Variants in CPSF1 observed in about 807,000 individuals in gnomAD.
CPSF1 encodes cleavage and polyadenylation specificity factor subunit 1.
A neutral mutation model predicts 175.8 loss-of-function variants in CPSF1; 106 were observed. The ratio of observed to expected loss-of-function variants is 0.60; its 90% CI spans 0.52 to 0.71. CPSF1 has a LOEUF of 0.71. Among genes scored for constraint, CPSF1 ranks in the 30% least tolerant of loss-of-function variants. The pLI is 0.00. For synonymous variants in CPSF1, 1,024 were observed against 858.3 expected, an observed-to-expected ratio of 1.19 and a Z score of -3.37; for missense variants, 1,734 against 2,022.9, an observed-to-expected ratio of 0.86 and a Z score of 2.74.
At chr8:144,400,135 G>GGGGCCCCC in intron 9 of CPSF1, 31 bp downstream of exon 9, 115 of 896,196 alleles carry the variant, frequency 1.3e-4, no homozygotes, top group Non-Finnish European at 1.6e-4. Flanking sequence ...CCGTCCCCGG[G>GGGGCCCCC]CCCCCCCCGC....
intron 29 of CPSF1, 33 bp downstream of exon 29, chr8:144,395,065 G>A (rs1820624912): frequency 6.2e-7 from 1 of 1,604,092 alleles, no homozygotes. Context: ...TGGAGGCCTT[G>A]GGCAGACCCC....
chr8:144,409,137 C>A lies in CPSF1; in HGVS notation c.22G>T (p.Ala8Ser). 1 of 1,612,468 alleles carries A rather than the reference C, an allele frequency of 6.2e-7. No individual in the cohort carries two copies. The highest frequency in any genetic ancestry group is 2.2e-5 in the East Asian group (1 of 44,702). The change falls in exon 2 of 38, where the codon GCG (alanine) becomes TCG (serine). Residue 8 changes from alanine (A) to serine (S), a missense_variant. Around this residue, in one of 10 missense-constraint regions of CPSF1, gnomAD observed 126 missense variants for 117.9 expected, o/e 1.07. Coordinates refer to ENST00000616140, the MANE Select transcript of CPSF1 (RefSeq NM_013291.3). The part of the protein sequence containing the change: MYAVYKQ[A>S]HPPTGLEFSM... ...AACTCCAGACCGGTGGGCGGATGCG[C>A]CTGTTTGTACACGGCGTACATGGCG... is the stretch of plus-strand genomic sequence containing the variant.
intron 2 of CPSF1, among the ~76,000 whole-genome samples, chr8:144,408,073 G>T (rs1044843840): frequency 6.6e-6 from 1 of 152,194 alleles, no homozygotes; most frequent in Non-Finnish European, 1.5e-5. Flanking sequence ...TGCCCAGGAG[G>T]GTTGGCCTCC....
rs1554864221 is a variant in CPSF1, at chr8:144,397,219, C to T, written c.2580G>A (p.Arg860=). 6.5e-7 allele frequency: 1 copy of T among 1,544,770 alleles called. No homozygotes were observed. The change falls in exon 23 of 38, where the codon AGG becomes AGA. Residue 860 remains arginine (R), a synonymous_variant. Coordinates refer to ENST00000616140, the MANE Select transcript of CPSF1 (RefSeq NM_013291.3). The stretch of plus-strand genomic sequence containing the variant: ...CAGGCGCACTCACCAGCAGGTAGGG[C>T]CTGCTCTGGCGGCTGCCCAGCGCCA... ...LLVALGSRQS[R]PYLLVHVDQE...
chr8:144,400,135 G>GGGGGGGGGCCCCCCCCCCCCCC, intron 9 of CPSF1, 31 bp downstream of exon 9: 1 of 896,008 alleles, frequency 1.1e-6, no homozygotes, highest in Non-Finnish European at 1.6e-6. Flanking sequence ...CCGTCCCCGG[G>GGGGGGGGGCCCCCCCCCCCCCC]CCCCCCCCGC....
Position 144,400,218 on chromosome 8 carries a change from C to G in CPSF1, c.885G>C (p.Pro295=), listed in dbSNP as rs200181811. 1.9e-6 allele frequency: 3 copies of G among 1,581,542 alleles called. No homozygotes were observed. The highest frequency in any genetic ancestry group is 2.6e-6 in the Non-Finnish European group (3 of 1,163,066). The change falls in exon 9 of 38, where the codon CCG becomes CCC. Residue 295 remains proline (P), a synonymous_variant. Transcript: ENST00000616140. The part of the protein sequence containing the change: ...SLLYLNQSVP[P]YGVALNSLTT... Reference sequence around the variant, plus strand: ...TGAGGCTGTTGAGAGCCACGCCATACGGGGGGACGCTCTGGTTCAGGTACA... The same window carrying G: ...TGAGGCTGTTGAGAGCCACGCCATAGGGGGGGACGCTCTGGTTCAGGTACA...
chr8:144,406,958 A>T (rs1821531117), intron 2 of CPSF1, among the ~76,000 whole-genome samples: 1 of 151,978 alleles, frequency 6.6e-6, no homozygotes, highest in Non-Finnish European at 1.5e-5. Flanking sequence ...TTGCTCTGTC[A>T]CCCAGGCTGG....
chr8:144,402,452 G>T, intron 2 of CPSF1, among the ~76,000 whole-genome samples: 1 of 152,206 alleles, frequency 6.6e-6, no homozygotes, highest in Middle Eastern at 3.4e-3. Context: ...TTACAGGTGC[G>T]TGCCACCATG....
intron 2 of CPSF1, among the ~76,000 whole-genome samples, chr8:144,402,843 G>A (rs1399951953): frequency 6.6e-6 from 1 of 152,162 alleles, no homozygotes; most frequent in African/African-American, 2.4e-5. Context: ...CCCACAGACA[G>A]GTGGGACAGG....
chr8:144,398,747 C>G, intron 17 of CPSF1, 32 bp downstream of exon 17: 3 of 1,590,102 alleles, frequency 1.9e-6, no homozygotes, highest in South Asian at 2.3e-5. Flanking sequence ...CGGTCCCATC[C>G]CAGGGCCTCC....
Position 144,395,556 on chromosome 8 carries a change from G to C in CPSF1, c.2980-5C>G. ...GACACTGATCCTCAGCTCGCCCTGG[G>C]GTGGGGGCACAGGGGTCAGGGGATC... On this transcript the variant is annotated splice_polypyrimidine_tract_variant and splice_region_variant and intron_variant, in intron 26 of 37. Transcript: ENST00000616140. The C allele has an allele frequency of 6.3e-7, 1 of 1,589,868 alleles. No individual in the cohort carries two copies. The highest frequency in any genetic ancestry group is 8.6e-7 in the Non-Finnish European group (1 of 1,161,666).
chr8:144,397,764 TCGGCCTC>T lies in CPSF1; in HGVS notation c.2182_2188del (p.Glu728ArgfsTer79). The stretch of plus-strand genomic sequence containing the variant: ...GCACCTAGTCTCTGAGCCCAGGCCC[TCGGCCTC>T]CGGGCCACTGCGGCCCCCGAGCTCG... On this transcript the variant is annotated frameshift_variant, in exon 21 of 38. Transcript: ENST00000616140. LOFTEE classifies it high-confidence loss of function. 1.2e-6 allele frequency: 2 copies of T among 1,608,296 alleles called. No individual in the cohort carries two copies. The highest frequency in any genetic ancestry group is 1.7e-6 in the Non-Finnish European group (2 of 1,177,238).
In CPSF1 at chr8:144,398,956, A is replaced by T. The variant is rs1342839410; in HGVS notation, c.1548+2T>A. 1 of 1,612,646 alleles carries T rather than the reference A, an allele frequency of 6.2e-7. No individual in the cohort carries two copies. The highest frequency in any genetic ancestry group is 8.5e-7 in the Non-Finnish European group (1 of 1,179,878). On this transcript the variant is annotated splice_donor_variant, in intron 16 of 37. Transcript: ENST00000616140. LOFTEE classifies it high-confidence loss of function. ...GCGCCCGCCCCCTACCTGCCCACAC[A>T]CCTGCAGCACCGACAAAGCCCCGTT...
chr8:144,408,783 G>T (rs2116911824), intron 2 of CPSF1, among the ~76,000 whole-genome samples: 1 of 152,340 alleles, frequency 6.6e-6, no homozygotes, highest in African/African-American at 2.4e-5. Context: ...AAACAAGACG[G>T]CTAGGGCAGC....
At chr8:144,405,480 T>G (rs1449803996) in intron 2 of CPSF1, among the ~76,000 whole-genome samples, 1 of 151,962 alleles carries the variant, frequency 6.6e-6, no homozygotes, top group Non-Finnish European at 1.5e-5. Flanking sequence ...AAAAATTAGC[T>G]GGGTGTGGTG....
At chr8:144,408,166 G>A (rs1564700595) in intron 2 of CPSF1, among the ~76,000 whole-genome samples, 1 of 152,068 alleles carries the variant, frequency 6.6e-6, no homozygotes. Flanking sequence ...GCTTTGTGGA[G>A]AATAGTCCTG....
At chr8:144,405,745 C>G (rs2116903062) in intron 2 of CPSF1, among the ~76,000 whole-genome samples, 9 of 152,352 alleles carry the variant, frequency 5.9e-5, no homozygotes, top group African/African-American at 2.2e-4. Context: ...CCCTCCTGGT[C>G]TAGCCCTTAA....
chr8:144,398,250 T>A (rs1820912699), intron 19 of CPSF1, 52 bp downstream of exon 19: 113 of 585,076 alleles, frequency 1.9e-4, no homozygotes, highest in Non-Finnish European at 2.4e-4. Context: ...CCCACCCACC[T>A]ACCTCCTTCC....
At position 144,399,457 on chromosome 8, in the gene CPSF1, C is replaced by CA; in HGVS notation, c.1288dup (p.Trp430LeufsTer6). On this transcript the variant is annotated frameshift_variant, in exon 13 of 38. Coordinates refer to ENST00000616140, the MANE Select transcript of CPSF1 (RefSeq NM_013291.3). LOFTEE classifies it high-confidence loss of function. This position sits in a 1 kb window ranked among gnomAD's most constrained non-coding sequence, Gnocchi z 6.4. ...AGCCCTGGACCGGCCCTCACCTGAC[C>CA]AGCCGGCCGTCGCATCCACTCGCTT... 1.9e-6 allele frequency: 3 copies of CA among 1,612,958 alleles called. No homozygotes were observed. Among genetic ancestry groups the CA allele is most frequent in the Non-Finnish European group, 2.5e-6 (3 of 1,179,968 alleles).
Sources: allele counts gnomAD v4.1 joint callset (sites outside exome capture counted in the v4.1 genomes callset), GRCh38; gene constraint gnomAD v4.1.1; regional missense constraint gnomAD v4.1.1; non-coding constraint Gnocchi (gnomAD v3.1); transcripts MANE v1.5; gene names NCBI Gene and HGNC (gene_info 2026-07-23, HGNC 2026-07-21).